The following SLC35F4 variants were observed in gnomAD, a reference collection of about 807,000 sequenced individuals.
The protein encoded by SLC35F4 is chromosome 14 open reading frame 36.
Under a neutral mutation model 44.2 loss-of-function variants are expected in SLC35F4, and 24 were observed. That is an observed-to-expected ratio of 0.54 (90% CI 0.39 to 0.76). The LOEUF is 0.76. Among genes scored for constraint, SLC35F4 ranks in the 30% least tolerant of loss-of-function variants. The pLI, the probability that SLC35F4 is intolerant of heterozygous loss-of-function variation, is 0.00. For synonymous variants in SLC35F4, 238 were observed against 223.6 expected (o/e 1.06, Z -0.57); for missense variants, 562 against 586.1 (o/e 0.96, Z 0.42).
At chr14:57,884,991 A>G (rs1888617120) in intron 1 of SLC35F4, among the ~76,000 whole-genome samples, 1 of 152,164 alleles carries the variant, frequency 6.6e-6, no homozygotes, top group Admixed American at 6.6e-5. Flanking sequence ...ATGTTTTCTC[A>G]AAAACAGCTG....
chr14:57,581,280 A>G lies in SLC35F4; in HGVS notation c.741T>C (p.Cys247=), dbSNP rs1265658552. The G allele has an allele frequency of 6.2e-7, 1 of 1,612,896 alleles. No individual in the cohort carries two copies. The highest frequency in any genetic ancestry group is 1.1e-5 in the South Asian group (1 of 90,850). The change falls in exon 4 of 8, where the codon TGT becomes TGC. Residue 247 remains cysteine, a synonymous_variant. Coordinates refer to ENST00000556826, the MANE Select transcript of SLC35F4 (RefSeq NM_001306087.2). ...LTATDVSALF[C]CNKAFVFLLS... Reference sequence around the variant, plus strand: ...GCAAGAAGACAAAGGCTTTGTTACAACAGAACAGAGCGGAGACATCCGTGG... The same window carrying G: ...GCAAGAAGACAAAGGCTTTGTTACAGCAGAACAGAGCGGAGACATCCGTGG...
At chr14:57,738,548 T>G (rs1327626501) in intron 1 of SLC35F4, among the ~76,000 whole-genome samples, 3 of 152,002 alleles carry the variant, frequency 2.0e-5, no homozygotes, top group Non-Finnish European at 4.4e-5. Flanking sequence ...CTGCCCATGT[T>G]CTGGTATAGA....
intron 1 of SLC35F4, among the ~76,000 whole-genome samples, chr14:57,790,226 T>C (rs1454973465): frequency 1.3e-5 from 2 of 152,326 alleles, no homozygotes; most frequent in South Asian, 2.1e-4. Context: ...GATGACATGA[T>C]AGTATATTTA....
intron 1 of SLC35F4, among the ~76,000 whole-genome samples, chr14:57,631,805 G>A (rs538701787): frequency 2.0e-5 from 3 of 152,010 alleles, no homozygotes; most frequent in Non-Finnish European, 4.4e-5. Flanking sequence ...CTGAAAGATC[G>A]TTTTGGGGAC....
At chr14:57,615,433 T>C (rs746282399) in intron 1 of SLC35F4, among the ~76,000 whole-genome samples, 11 of 152,170 alleles carry the variant, frequency 7.2e-5, no homozygotes, top group South Asian at 4.1e-4. Flanking sequence ...CCAAGAGAAA[T>C]TTCAATAGGT....
intron 1 of SLC35F4, among the ~76,000 whole-genome samples, chr14:57,782,730 TA>T (rs2077654787): frequency 1.3e-5 from 2 of 152,228 alleles, no homozygotes; most frequent in East Asian, 1.9e-4. Flanking sequence ...TGTATGACAG[TA>T]AAAAACTGAT....
intron 1 of SLC35F4, among the ~76,000 whole-genome samples, chr14:57,937,143 C>T (rs369224952): frequency 1.4e-4 from 21 of 151,394 alleles, no homozygotes; most frequent in South Asian, 2.1e-4. Context: ...TCTCGGCTCA[C>T]GGCAACCTCC....
chr14:57,708,131 A>C (rs190178686), intron 1 of SLC35F4, among the ~76,000 whole-genome samples: 1 of 152,268 alleles, frequency 6.6e-6, no homozygotes, highest in East Asian at 1.9e-4. Context: ...AAAACCTAAG[A>C]TCAGTGCTTG....
At chr14:57,875,578 G>A (rs947942292) in intron 1 of SLC35F4, among the ~76,000 whole-genome samples, 1 of 152,162 alleles carries the variant, frequency 6.6e-6, no homozygotes, top group Non-Finnish European at 1.5e-5. Context: ...TCTTTCACAC[G>A]TCTAGTGGAT....
chr14:57,786,820 A>G (rs945388597), intron 1 of SLC35F4, among the ~76,000 whole-genome samples: 2 of 152,226 alleles, frequency 1.3e-5, no homozygotes, highest in African/African-American at 4.8e-5. Context: ...AGAAGGAACC[A>G]GAAAACCAAC....
upstream of SLC35F4, among the ~76,000 whole-genome samples, chr14:57,867,400 G>C (rs1040221472): frequency 2.6e-5 from 4 of 152,188 alleles, no homozygotes; most frequent in African/African-American, 9.7e-5. Flanking sequence ...GATCTTGAGA[G>C]TGGAGTCAAT....
At chr14:57,670,637 C>T (rs570458645) in intron 1 of SLC35F4, among the ~76,000 whole-genome samples, 5 of 151,946 alleles carry the variant, frequency 3.3e-5, no homozygotes, top group South Asian at 2.1e-4. Context: ...TGTAGTTGAG[C>T]GGTTTTGAGT....
intron 1 of SLC35F4, among the ~76,000 whole-genome samples, chr14:57,725,488 A>G (rs948741871): frequency 1.3e-5 from 2 of 152,208 alleles, no homozygotes; most frequent in Non-Finnish European, 2.9e-5. Flanking sequence ...TCCTGCATGC[A>G]ATGCTTCTGC....
At chr14:57,971,737 G>T (rs1218165555) in intron 1 of SLC35F4, among the ~76,000 whole-genome samples, 1 of 152,188 alleles carries the variant, frequency 6.6e-6, no homozygotes, top group South Asian at 2.1e-4. Flanking sequence ...CAGGGCTAAG[G>T]GGTGAGGGAC....
intron 1 of SLC35F4, among the ~76,000 whole-genome samples, chr14:57,882,143 C>A (rs1291044403): frequency 2.6e-5 from 4 of 152,160 alleles, no homozygotes; most frequent in Admixed American, 2.6e-4. Context: ...CTGAAGAGGA[C>A]ATGCTAGCTC....
chr14:57,836,152 C>A (rs1332456049), intron 1 of SLC35F4, among the ~76,000 whole-genome samples: 5 of 152,200 alleles, frequency 3.3e-5, no homozygotes, highest in African/African-American at 1.2e-4. Flanking sequence ...CAGTGTTTTG[C>A]AGACTTCAGT....
chr14:57,953,575 T>TG (rs1220874639), intron 1 of SLC35F4, among the ~76,000 whole-genome samples: 3 of 152,034 alleles, frequency 2.0e-5, no homozygotes, highest in African/African-American at 7.2e-5. Flanking sequence ...AATAAAGGGA[T>TG]GGAAGAATAT....
chr14:57,685,787 ATTTG>A (rs1301688238), intron 1 of SLC35F4, among the ~76,000 whole-genome samples: 4 of 152,130 alleles, frequency 2.6e-5, no homozygotes, highest in Admixed American at 1.3e-4. Context: ...TTTTGTATTT[ATTTG>A]TTTGTTAGAG....
At chr14:57,841,898 T>G (rs1371667517) in intron 1 of SLC35F4, among the ~76,000 whole-genome samples, 1 of 152,236 alleles carries the variant, frequency 6.6e-6, no homozygotes, top group Non-Finnish European at 1.5e-5. Flanking sequence ...GAATGTCAGA[T>G]ATTGTGATAT....
Sources: allele counts gnomAD v4.1 joint callset (sites outside exome capture counted in the v4.1 genomes callset), GRCh38; gene constraint gnomAD v4.1.1; transcripts MANE v1.5; gene names NCBI Gene and HGNC (gene_info 2026-07-23, HGNC 2026-07-21).